Variants in CCDC73 observed in about 807,000 individuals in gnomAD.
CCDC73 encodes coiled-coil domain-containing protein 73.
Under a neutral mutation model 116.5 loss-of-function variants are expected in CCDC73, and 95 were observed. That is an observed-to-expected ratio of 0.82 (90% CI 0.69 to 0.97). The LOEUF (loss-of-function observed/expected upper bound fraction) is 0.97, where lower values mean the gene tolerates loss of function less well. Ranked by LOEUF, CCDC73 falls within the 50% of genes least tolerant of loss-of-function variation. CCDC73 has a pLI of 0.00. For synonymous variants in CCDC73, 398 were observed against 401.3 expected (o/e 0.99, Z 0.10); for missense variants, 1,066 against 1,206.8 (o/e 0.88, Z 1.73).
At chr11:32,784,329 C>CA (rs36029585) in intron 1 of CCDC73, among the ~76,000 whole-genome samples, 96 of 141,872 alleles carry the variant, frequency 6.8e-4, no homozygotes, top group South Asian at 1.8e-3. Flanking sequence ...AAGTCCGTCT[C>CA]AAAAAAAAAA....
chr11:32,691,603 C>T (rs1336601144), intron 6 of CCDC73, among the ~76,000 whole-genome samples: 1 of 152,054 alleles, frequency 6.6e-6, no homozygotes, highest in African/African-American at 2.4e-5. Context: ...TTTGGATAGC[C>T]GTCCTTTGTC....
At chr11:32,642,518 T>C (rs1428998962) in intron 12 of CCDC73, among the ~76,000 whole-genome samples, 1 of 152,004 alleles carries the variant, frequency 6.6e-6, no homozygotes, top group Non-Finnish European at 1.5e-5. Flanking sequence ...TTAATTTTAA[T>C]TTCAAATTAA....
At chr11:32,809,121 C>T in the CCDC73 span, among the ~76,000 whole-genome samples, 2 of 152,126 alleles carry the variant, frequency 1.3e-5, no homozygotes, top group Admixed American at 6.5e-5. Flanking sequence ...GGTAGAGAAA[C>T]GTTTAAATGT....
intron 1 of CCDC73, among the ~76,000 whole-genome samples, chr11:32,792,066 G>C (rs951456924): frequency 6.6e-6 from 1 of 150,820 alleles, no homozygotes; most frequent in Non-Finnish European, 1.5e-5. Context: ...ACTGATAAAA[G>C]AACATAATCC....
At chr11:32,656,694 G>A (rs1855876937) in intron 9 of CCDC73, among the ~76,000 whole-genome samples, 1 of 152,216 alleles carries the variant, frequency 6.6e-6, no homozygotes, top group Middle Eastern at 3.4e-3. Context: ...CTATAGTCTT[G>A]GATACTGCAT....
At chr11:32,647,946 T>C (rs1855792946) in intron 12 of CCDC73, among the ~76,000 whole-genome samples, 1 of 152,058 alleles carries the variant, frequency 6.6e-6, no homozygotes, top group South Asian at 2.1e-4. Flanking sequence ...AATTCCTTAA[T>C]ATCTAACAAC....
chr11:32,762,212 C>A (rs1417255214), intron 1 of CCDC73, among the ~76,000 whole-genome samples: 1 of 152,046 alleles, frequency 6.6e-6, no homozygotes, highest in Non-Finnish European at 1.5e-5. Flanking sequence ...TTATTTGGAC[C>A]AATCCTCCTA....
the CCDC73 span, among the ~76,000 whole-genome samples, chr11:32,800,443 C>A: frequency 6.6e-6 from 1 of 151,900 alleles, no homozygotes; most frequent in Non-Finnish European, 1.5e-5. Flanking sequence ...AAAAGTTATT[C>A]TTATTATAAA....
chr11:32,635,483 G>T (rs989965451), intron 14 of CCDC73, among the ~76,000 whole-genome samples: 1 of 152,094 alleles, frequency 6.6e-6, no homozygotes, highest in South Asian at 2.1e-4. Context: ...ACAAATATTT[G>T]TGCTGGGACA....
At chr11:32,780,655 T>C (rs902725198) in intron 1 of CCDC73, among the ~76,000 whole-genome samples, 3 of 152,222 alleles carry the variant, frequency 2.0e-5, no homozygotes, top group African/African-American at 7.2e-5. Flanking sequence ...CACTATCTAA[T>C]TGAATATATG....
At chr11:32,809,411 T>A in the CCDC73 span, among the ~76,000 whole-genome samples, 2 of 152,168 alleles carry the variant, frequency 1.3e-5, no homozygotes, top group East Asian at 1.9e-4. Flanking sequence ...GTTAGGACGC[T>A]AGGGGGCGGA....
At chr11:32,729,532 G>A (rs943490796) in intron 2 of CCDC73, among the ~76,000 whole-genome samples, 2 of 152,096 alleles carry the variant, frequency 1.3e-5, no homozygotes, top group African/African-American at 4.8e-5. Flanking sequence ...ATTTCTTTGG[G>A]TATATACCCA....
chr11:32,668,688 C>T (rs1174047418), intron 9 of CCDC73, among the ~76,000 whole-genome samples: 1 of 152,144 alleles, frequency 6.6e-6, no homozygotes, highest in Non-Finnish European at 1.5e-5. Flanking sequence ...GAACTAGCTA[C>T]TTTACTCCAT....
the CCDC73 span, among the ~76,000 whole-genome samples, chr11:32,810,743 G>A: frequency 1.3e-5 from 2 of 152,160 alleles, no homozygotes. Flanking sequence ...CTTAAGTCAA[G>A]TCTTTCTTTA....
At chr11:32,817,728 A>G in the CCDC73 span, among the ~76,000 whole-genome samples, 9 of 152,060 alleles carry the variant, frequency 5.9e-5, no homozygotes, top group African/African-American at 2.2e-4. Context: ...CAGCCTCACC[A>G]CATATTGCTA....
intron 14 of CCDC73, among the ~76,000 whole-genome samples, chr11:32,623,523 A>T (rs1855541658): frequency 1.3e-5 from 2 of 151,938 alleles, no homozygotes; most frequent in South Asian, 2.1e-4. Context: ...GCTAATTTTT[A>T]AAAAAATTTT....
At chr11:32,794,038 G>GA (rs898928227) in intron 1 of CCDC73, among the ~76,000 whole-genome samples, 6 of 152,216 alleles carry the variant, frequency 3.9e-5, no homozygotes, top group African/African-American at 1.4e-4. Flanking sequence ...GCAGAATGAA[G>GA]AAAAAATAGA....
intron 2 of CCDC73, among the ~76,000 whole-genome samples, chr11:32,734,425 C>CTTTTTTTT (rs34093038): frequency 1.5e-5 from 2 of 131,374 alleles, no homozygotes; most frequent in African/African-American, 5.5e-5. Context: ...ATTTTTTTTT[C>CTTTTTTTT]TTTTTTTTTT....
At position 32,766,125 on chromosome 11, in the gene CCDC73, C is replaced by T. The variant is rs1458868951; in HGVS notation, c.-15-5867G>A. On this transcript the variant is annotated intron_variant, in intron 1 of 17. Transcript: ENST00000335185. ...TTATCCACCATGATCAAGTGGGCTT[C>T]ATCCCTGGAATGCAAGGCTGGTTCA... Among the ~76,000 whole-genome samples the T allele has an allele frequency of 2.0e-5, 3 of 152,304 alleles. No individual in the cohort carries two copies. In the East Asian group the frequency reaches 5.8e-4, roughly 29 times the overall value.
Sources: gnomAD v4.1 joint callset for allele counts (sites outside exome capture counted in the v4.1 genomes callset) on GRCh38, gnomAD v4.1.1 for gene constraint, MANE v1.5 for transcripts, NCBI Gene and HGNC (gene_info 2026-07-23, HGNC 2026-07-21) for gene names.